Variants in GLP2R observed in about 807,000 individuals in gnomAD.
GLP2R encodes glucagon like peptide 2 receptor, also known as glucagon-like peptide 2 receptor.
Under a neutral mutation model 68.2 loss-of-function variants are expected in GLP2R, and 59 were observed. The observed-to-expected ratio is 0.87, with a 90% confidence interval of 0.70 to 1.07. The LOEUF is 1.07. Ranked by LOEUF, GLP2R falls within the 50% of genes least tolerant of loss-of-function variation. The pLI is 0.00. For synonymous variants in GLP2R, 270 were observed against 265.4 expected, an observed-to-expected ratio of 1.02 and a Z score of -0.17; for missense variants, 548 against 677.4, an observed-to-expected ratio of 0.81 and a Z score of 2.12.
At chr17:9,881,562 A>C (rs1206788473) in intron 11 of GLP2R, among the ~76,000 whole-genome samples, 1 of 141,588 alleles carries the variant, frequency 7.1e-6, no homozygotes, top group East Asian at 1.9e-4. Context: ...TTGTATTTTT[A>C]GTAGAGACGG....
At chr17:9,828,775 G>A (rs1242853393) in intron 1 of GLP2R, among the ~76,000 whole-genome samples, 1 of 152,042 alleles carries the variant, frequency 6.6e-6, no homozygotes, top group South Asian at 2.1e-4. Context: ...GCAGAGCCTC[G>A]GGCCGGCTTA....
intron 4 of GLP2R, among the ~76,000 whole-genome samples, chr17:9,842,827 G>A (rs532533632): frequency 1.6e-4 from 25 of 152,340 alleles, no homozygotes; most frequent in Non-Finnish European, 3.4e-4. Flanking sequence ...AATCCTAAGA[G>A]AAGTCAGTCT....
intron 1 of GLP2R, among the ~76,000 whole-genome samples, chr17:9,827,635 C>A (rs988512025): frequency 6.6e-5 from 10 of 152,092 alleles, no homozygotes; most frequent in Non-Finnish European, 2.9e-5. Flanking sequence ...GAAGGAACCC[C>A]AGTTCCACTT....
intron 3 of GLP2R, among the ~76,000 whole-genome samples, chr17:9,837,808 T>C (rs1301987922): frequency 6.6e-6 from 1 of 152,192 alleles, no homozygotes; most frequent in African/African-American, 2.4e-5. Context: ...ACTAAAACTG[T>C]TCTCAGGAAA....
chr17:9,852,888 G>A, intron 4 of GLP2R: 1 of 443,196 alleles, frequency 2.3e-6, no homozygotes, highest in Non-Finnish European at 4.2e-6. Flanking sequence ...CACTTCCAGG[G>A]GCAGATTACT....
intron 9 of GLP2R, chr17:9,866,606 T>C (rs2067039702): frequency 6.6e-6 from 1 of 152,250 alleles, no homozygotes; most frequent in Admixed American, 6.5e-5. Flanking sequence ...ATGTAGAGCT[T>C]CCTTAGCACT....
chr17:9,868,947 C>G (rs1478422392), intron 9 of GLP2R, among the ~76,000 whole-genome samples: 1 of 152,146 alleles, frequency 6.6e-6, no homozygotes, highest in Non-Finnish European at 1.5e-5. Context: ...GGCAGATATC[C>G]CATTAAAAGA....
chr17:9,881,924 G>T (rs1180085114), intron 11 of GLP2R, among the ~76,000 whole-genome samples: 1 of 151,972 alleles, frequency 6.6e-6, no homozygotes, highest in Admixed American at 6.5e-5. Flanking sequence ...ATGTTGGTGT[G>T]GGGGCAGGAC....
intron 1 of GLP2R, among the ~76,000 whole-genome samples, chr17:9,826,903 G>C (rs918151312): frequency 6.6e-6 from 1 of 151,962 alleles, no homozygotes; most frequent in Non-Finnish European, 1.5e-5. Context: ...ATGGGGTCTC[G>C]CTCTGTCGCC....
Position 9,891,170 on chromosome 17 carries a change from AGTC to A in GLP2R, c.*1466_*1468del, listed in dbSNP as rs2067287730. Reference sequence around the variant, plus strand: ...AATTAAATTTGAATTTCAGACAAATAGTCTTCTTGTATAAGTATATCCCATGGG... The same window carrying A: ...AATTAAATTTGAATTTCAGACAAATATTCTTGTATAAGTATATCCCATGGG... On this transcript the variant is annotated 3_prime_UTR_variant, in exon 13 of 13. Transcript: ENST00000262441. The A allele has an allele frequency of 6.6e-6, 1 of 152,234 alleles. No homozygotes were observed. Among genetic ancestry groups the A allele is most frequent in the Non-Finnish European group, 1.5e-5 (1 of 68,048 alleles). 9.4% of individuals were successfully genotyped at this position (152,234 alleles called of 1,614,324 possible). A position where few individuals can be genotyped will look rare whatever the true frequency, so the allele number is the denominator to read the frequency against.
chr17:9,867,896 C>T (rs2067054622), intron 9 of GLP2R, among the ~76,000 whole-genome samples: 1 of 152,192 alleles, frequency 6.6e-6, no homozygotes, highest in South Asian at 2.1e-4. Context: ...CTCTTTAGGT[C>T]CTCTGCCCCA....
chr17:9,884,668 G>A (rs2067226198), intron 11 of GLP2R, among the ~76,000 whole-genome samples: 1 of 151,250 alleles, frequency 6.6e-6, no homozygotes, highest in African/African-American at 2.5e-5. Flanking sequence ...AGTGTGGTAT[G>A]AGCAGTTGGA....
At chr17:9,861,623 A>G (rs1000382975) in intron 8 of GLP2R, among the ~76,000 whole-genome samples, 5 of 151,836 alleles carry the variant, frequency 3.3e-5, no homozygotes, top group African/African-American at 1.2e-4. Context: ...GTTCGTTATT[A>G]TGGGAACTTT....
intron 1 of GLP2R, among the ~76,000 whole-genome samples, chr17:9,830,731 G>T (rs1278968952): frequency 6.6e-6 from 1 of 152,120 alleles, no homozygotes; most frequent in Non-Finnish European, 1.5e-5. Context: ...CTAGCTTAAG[G>T]TATTCATGGT....
At chr17:9,843,844 G>GAA (rs2066811057) in intron 4 of GLP2R, among the ~76,000 whole-genome samples, 1 of 152,198 alleles carries the variant, frequency 6.6e-6, no homozygotes, top group Non-Finnish European at 1.5e-5. Flanking sequence ...CATATACGAT[G>GAA]GGTTAGGTTT....
chr17:9,880,641 A>G (rs1162979758), intron 11 of GLP2R, 125 bp downstream of exon 11: 1 of 624,764 alleles, frequency 1.6e-6, no homozygotes, highest in Non-Finnish European at 2.7e-6. Flanking sequence ...AGCCTTTATC[A>G]GTAAGGGCCC....
At chr17:9,847,790 C>A (rs925877560) in intron 4 of GLP2R, among the ~76,000 whole-genome samples, 1 of 152,156 alleles carries the variant, frequency 6.6e-6, no homozygotes, top group Non-Finnish European at 1.5e-5. Flanking sequence ...CAGGAGCCAT[C>A]TGGTTCGGGC....
chr17:9,834,134 C>T (rs540802130), intron 2 of GLP2R, among the ~76,000 whole-genome samples: 1 of 152,216 alleles, frequency 6.6e-6, no homozygotes, highest in East Asian at 1.9e-4. Context: ...TCTCTAAGGG[C>T]CTGCCTGACC....
At chr17:9,843,259 C>T (rs1045172085) in intron 4 of GLP2R, among the ~76,000 whole-genome samples, 3 of 152,178 alleles carry the variant, frequency 2.0e-5, no homozygotes, top group Admixed American at 1.3e-4. Context: ...CGTCCCTTAT[C>T]CTTGGGATTT....
Sources: allele counts gnomAD v4.1 joint callset (sites outside exome capture counted in the v4.1 genomes callset), GRCh38; gene constraint gnomAD v4.1.1; transcripts MANE v1.5; gene names NCBI Gene and HGNC (gene_info 2026-07-23, HGNC 2026-07-21).